PRTFDC1: variants seen among roughly 807,000 people sequenced by gnomAD.
PRTFDC1 encodes phosphoribosyl transferase domain containing 1.
PRTFDC1 carries 38 observed loss-of-function variants against 34.6 expected under a neutral mutation model. The ratio of observed to expected loss-of-function variants is 1.10; its 90% CI spans 0.85 to 1.44. PRTFDC1 has a LOEUF of 1.44. Ranked by LOEUF, PRTFDC1 falls within the 40% of genes most tolerant of loss-of-function variation. The pLI is 0.00. For missense variants in PRTFDC1, 270 were observed against 283.0 expected (o/e 0.95, Z 0.33); for synonymous variants, 93 against 98.1 (o/e 0.95, Z 0.31).
At chr10:24,897,698 G>A (rs1418666339) in intron 3 of PRTFDC1, among the ~76,000 whole-genome samples, 4 of 152,278 alleles carry the variant, frequency 2.6e-5, no homozygotes, top group South Asian at 2.1e-4. Context: ...CTATAACATC[G>A]AGAAACATGT....
At chr10:24,908,435 C>A in intron 3 of PRTFDC1, 1 of 1,541,284 alleles carries the variant, frequency 6.5e-7, no homozygotes, top group Non-Finnish European at 8.8e-7. Context: ...GTGGGCACAG[C>A]CAGGGCTTGA....
chr10:24,880,314 G>A (rs559791160), intron 3 of PRTFDC1, among the ~76,000 whole-genome samples: 26 of 150,606 alleles, frequency 1.7e-4, no homozygotes, highest in Non-Finnish European at 3.4e-4. Flanking sequence ...GTGCAGTAGC[G>A]TGAACTCAGC....
At chr10:24,897,280 GT>G (rs1229620118) in intron 3 of PRTFDC1, among the ~76,000 whole-genome samples, 1 of 152,166 alleles carries the variant, frequency 6.6e-6, no homozygotes, top group Non-Finnish European at 1.5e-5. Context: ...CCTCCTTGGA[GT>G]CAGTTAAAAG....
At chr10:24,927,422 T>C (rs1160836534) in intron 3 of PRTFDC1, among the ~76,000 whole-genome samples, 1 of 152,210 alleles carries the variant, frequency 6.6e-6, no homozygotes, top group Non-Finnish European at 1.5e-5. Flanking sequence ...GGCCTATTCC[T>C]GATGTACTCT....
chr10:24,939,988 A>C (rs1370873709), intron 2 of PRTFDC1, among the ~76,000 whole-genome samples: 1 of 152,092 alleles, frequency 6.6e-6, no homozygotes, highest in Non-Finnish European at 1.5e-5. Flanking sequence ...ATTACACAAT[A>C]ATAAGGAGGT....
At chr10:24,872,532 A>G (rs1181001964) in intron 3 of PRTFDC1, among the ~76,000 whole-genome samples, 1 of 151,902 alleles carries the variant, frequency 6.6e-6, no homozygotes, top group Non-Finnish European at 1.5e-5. Context: ...ACTCCCCGCC[A>G]TTGGAGATCC....
At chr10:24,907,392 C>T (rs1198285252) in intron 3 of PRTFDC1, among the ~76,000 whole-genome samples, 2 of 151,692 alleles carry the variant, frequency 1.3e-5, no homozygotes, top group Non-Finnish European at 2.9e-5. Context: ...GTCAGGAGTT[C>T]GAGACCAGCA....
intron 7 of PRTFDC1, among the ~76,000 whole-genome samples, chr10:24,852,660 CAG>C (rs1847510149): frequency 1.3e-5 from 2 of 152,182 alleles, no homozygotes; most frequent in African/African-American, 4.8e-5. Context: ...AGTCTTGAAA[CAG>C]AATAAAGGTG....
intron 3 of PRTFDC1, among the ~76,000 whole-genome samples, chr10:24,928,788 A>T (rs887425908): frequency 1.3e-5 from 2 of 151,534 alleles, no homozygotes; most frequent in Non-Finnish European, 2.9e-5. Flanking sequence ...CTGTAATCTC[A>T]GCACTTTGGG....
At chr10:24,898,479 A>AAAAAAAAAAC (rs1848403848) in intron 3 of PRTFDC1, among the ~76,000 whole-genome samples, 1 of 150,758 alleles carries the variant, frequency 6.6e-6, no homozygotes, top group African/African-American at 2.4e-5. Flanking sequence ...AAAAAAAAAA[A>AAAAAAAAAAC]AAGGAATGAA....
rs118011247 is a variant in PRTFDC1, at chr10:24,877,452, A to G, written c.340-5389T>C. 4.6e-3 allele frequency among the ~76,000 whole-genome samples: 699 copies of G among 152,318 alleles called. 3 individuals are homozygous for G. Among genetic ancestry groups the G allele is most frequent in the South Asian group, 0.035 (171 of 4,830 alleles). On this transcript the variant is annotated intron_variant, in intron 3 of 8. Transcript: ENST00000320152. Reference sequence around the variant, plus strand: ...GATGAACAATCCCAAATAAAATATTATAAGTCAGATTGGTCCATTGTTTTA... The same window carrying G: ...GATGAACAATCCCAAATAAAATATTGTAAGTCAGATTGGTCCATTGTTTTA...
At chr10:24,912,268 CAAAAAAAAAAAAAAAA>C (rs58294462) in intron 3 of PRTFDC1, among the ~76,000 whole-genome samples, 1 of 53,946 alleles carries the variant, frequency 1.9e-5, no homozygotes, top group African/African-American at 6.9e-5. Flanking sequence ...GACTTCATCT[CAAAAAAAAAAAAAAAA>C]AAAAAAAAAA....
At chr10:24,899,769 G>A (rs1213343692) in intron 3 of PRTFDC1, among the ~76,000 whole-genome samples, 3 of 152,186 alleles carry the variant, frequency 2.0e-5, no homozygotes, top group Non-Finnish European at 4.4e-5. Context: ...ATGAATGATG[G>A]TCATTTTAAA....
At chr10:24,924,129 G>A (rs1250604083) in intron 3 of PRTFDC1, among the ~76,000 whole-genome samples, 2 of 152,172 alleles carry the variant, frequency 1.3e-5, no homozygotes, top group African/African-American at 2.4e-5. Context: ...AACGAACACA[G>A]TCTCCAAGAA....
At chr10:24,890,564 A>T (rs1848242499) in intron 3 of PRTFDC1, among the ~76,000 whole-genome samples, 1 of 152,210 alleles carries the variant, frequency 6.6e-6, no homozygotes, top group Admixed American at 6.5e-5. Flanking sequence ...GCTGATGAGC[A>T]TGAGAGCTTC....
Position 24,908,619 on chromosome 10 carries a change from T to C in PRTFDC1, c.339+28565A>G, listed in dbSNP as rs755958078. ...TCTTGCAGGGGAGCACAGCTACTCATATACCCTTGACTGAAGGCCAGTCCT... is the reference window on the plus strand; with the variant it reads ...TCTTGCAGGGGAGCACAGCTACTCACATACCCTTGACTGAAGGCCAGTCCT... On this transcript the variant is annotated intron_variant, in intron 3 of 8. Transcript: ENST00000320152. 2.5e-6 allele frequency: 4 copies of C among 1,612,462 alleles called. No individual in the cohort carries two copies. The Admixed American group carries it at 6.7e-5, about 27-fold the overall frequency.
chr10:24,895,392 C>T (rs953610704), intron 3 of PRTFDC1, among the ~76,000 whole-genome samples: 1 of 150,424 alleles, frequency 6.6e-6, no homozygotes, highest in Non-Finnish European at 1.5e-5. Context: ...GCTGAGGTTA[C>T]AGGCATGCAC....
chr10:24,922,904 G>C (rs1346010099), intron 3 of PRTFDC1, among the ~76,000 whole-genome samples: 1 of 152,206 alleles, frequency 6.6e-6, no homozygotes, highest in Non-Finnish European at 1.5e-5. Flanking sequence ...GGGAAGCTGT[G>C]ACAGACTGTA....
At chr10:24,900,997 CTG>C (rs1349222710) in intron 3 of PRTFDC1, among the ~76,000 whole-genome samples, 3 of 152,200 alleles carry the variant, frequency 2.0e-5, no homozygotes, top group African/African-American at 7.2e-5. Context: ...GAACCTGAAA[CTG>C]TCAAAGTACA....
Sources: gnomAD v4.1 joint callset for allele counts (sites outside exome capture counted in the v4.1 genomes callset) on GRCh38, gnomAD v4.1.1 for gene constraint, MANE v1.5 for transcripts, NCBI Gene and HGNC (gene_info 2026-07-23, HGNC 2026-07-21) for gene names.